The following CLIC6 variants were observed in gnomAD, a reference collection of about 807,000 sequenced individuals.
CLIC6 encodes chloride intracellular channel protein 6.
Under a neutral mutation model 49.2 loss-of-function variants are expected in CLIC6, and 39 were observed. The observed-to-expected ratio is 0.79, with a 90% CI of 0.61 to 1.04. CLIC6 has a LOEUF of 1.04. Ranked by LOEUF, CLIC6 falls within the 50% of genes least tolerant of loss-of-function variation. The pLI, the probability that CLIC6 is intolerant of heterozygous loss-of-function variation, is 0.00. For missense variants in CLIC6, 988 were observed against 993.1 expected (o/e 0.99, Z 0.07); for synonymous variants, 446 against 433.4 (o/e 1.03, Z -0.36).
At chr21:34,691,416 A>AT (rs1401432920) in intron 1 of CLIC6, among the ~76,000 whole-genome samples, 7 of 152,070 alleles carry the variant, frequency 4.6e-5, no homozygotes, top group Admixed American at 3.9e-4. Context: ...ACATAATATG[A>AT]TTTTTATGCA....
At chr21:34,678,660 C>A (rs1004698009) in intron 1 of CLIC6, among the ~76,000 whole-genome samples, 3 of 151,918 alleles carry the variant, frequency 2.0e-5, no homozygotes, top group African/African-American at 7.3e-5. Flanking sequence ...CCTACAAAAA[C>A]CATAAAAATT....
intron 1 of CLIC6, among the ~76,000 whole-genome samples, chr21:34,691,690 T>A (rs1358407644): frequency 1.3e-5 from 2 of 152,210 alleles, no homozygotes; most frequent in African/African-American, 2.4e-5. Flanking sequence ...TGATCTGGTG[T>A]TTGGTCCTAC....
chr21:34,689,700 G>A (rs1191620817), intron 1 of CLIC6, among the ~76,000 whole-genome samples: 1 of 151,954 alleles, frequency 6.6e-6, no homozygotes, highest in Non-Finnish European at 1.5e-5. Flanking sequence ...GTGCAGGCTG[G>A]AATACAAATG....
chr21:34,697,490 G>T (rs760130772), intron 1 of CLIC6, among the ~76,000 whole-genome samples: 2 of 152,010 alleles, frequency 1.3e-5, no homozygotes, highest in Non-Finnish European at 2.9e-5. Context: ...AGCATTCAAA[G>T]TGTTAACCAT....
In CLIC6 at chr21:34,670,381, G is replaced by A; in HGVS notation, c.993G>A (p.Ala331=). 6.9e-7 allele frequency: 1 copy of A among 1,454,310 alleles called. No homozygotes were observed. The highest frequency in any genetic ancestry group is 2.6e-5 in the East Asian group (1 of 38,326). 90.1% of individuals were successfully genotyped at this position (1,454,310 alleles called of 1,614,324 possible). A position where few individuals can be genotyped will look rare whatever the true frequency, so the allele number is the denominator to read the frequency against. The change falls in exon 1 of 6, where the codon GCG becomes GCA. Residue 331 remains alanine (A), a synonymous_variant. Coordinates refer to ENST00000349499, the MANE Select transcript of CLIC6 (RefSeq NM_053277.3). ...RSPGELAWDA[A]EEAEVPGVKG... ...CCGGTGAGCTCGCCTGGGACGCAGC[G>A]GAGGAGGCGGAGGTCCCGGGGGTAA...
chr21:34,703,755 G>T (rs1431860668), intron 1 of CLIC6, among the ~76,000 whole-genome samples: 1 of 152,106 alleles, frequency 6.6e-6, no homozygotes, highest in Non-Finnish European at 1.5e-5. Flanking sequence ...AGACAGGGAG[G>T]TTCACAAGGC....
At chr21:34,707,850 G>C (rs2056026329) in intron 2 of CLIC6, 94 bp from the exon 3 acceptor site, 1 of 1,358,496 alleles carries the variant, frequency 7.4e-7, no homozygotes, top group Admixed American at 2.0e-5. Flanking sequence ...CTCAAGAGTT[G>C]CTTCTCTTAA....
intron 5 of CLIC6, among the ~76,000 whole-genome samples, chr21:34,715,309 T>G (rs2056079937): frequency 6.6e-6 from 1 of 152,186 alleles, no homozygotes; most frequent in Non-Finnish European, 1.5e-5. Context: ...GCAGATGTAA[T>G]TAGTTAAAAT....
chr21:34,680,844 A>C (rs1376156887), intron 1 of CLIC6, among the ~76,000 whole-genome samples: 1 of 152,228 alleles, frequency 6.6e-6, no homozygotes, highest in Non-Finnish European at 1.5e-5. Flanking sequence ...GTCTGTAGGA[A>C]GTTTTGAACT....
chr21:34,699,569 ATC>A (rs1289302280), intron 1 of CLIC6, among the ~76,000 whole-genome samples: 9 of 151,804 alleles, frequency 5.9e-5, no homozygotes, highest in Admixed American at 3.9e-4. Flanking sequence ...CTGACCTATT[ATC>A]TGTTTTTAAA....
chr21:34,683,600 G>A (rs1989821526), intron 1 of CLIC6, among the ~76,000 whole-genome samples: 1 of 152,196 alleles, frequency 6.6e-6, no homozygotes, highest in Admixed American at 6.5e-5. Flanking sequence ...GTTGAGGGAG[G>A]GATGTGGTGG....
chr21:34,689,471 A>C (rs143403827), intron 1 of CLIC6, among the ~76,000 whole-genome samples: 7 of 152,312 alleles, frequency 4.6e-5, no homozygotes, highest in Admixed American at 3.3e-4. Context: ...CGTGCCTTGT[A>C]TCTCACTACC....
At chr21:34,696,852 A>G (rs550663267) in intron 1 of CLIC6, among the ~76,000 whole-genome samples, 1 of 152,144 alleles carries the variant, frequency 6.6e-6, no homozygotes, top group Non-Finnish European at 1.5e-5. Context: ...GTAATTATGT[A>G]TCTCCTTTTT....
rs1320743790 is a variant in CLIC6 at position 34,715,611 on chromosome 21, A to G, written c.1900-710A>G. Among the ~76,000 whole-genome samples, 3 of 152,284 alleles carry G rather than the reference A, an allele frequency of 2.0e-5. No individual in the cohort carries two copies. In the East Asian group the frequency reaches 5.8e-4, roughly 29 times the overall value. On this transcript the variant is annotated intron_variant, in intron 5 of 5. Coordinates refer to ENST00000349499, the MANE Select transcript of CLIC6 (RefSeq NM_053277.3). Reference sequence around the variant, plus strand: ...TACTTTATTATGGCAACCCTAGCAAACTGGTACAGTCCCCAGTGTTCTGCA... The same window carrying G: ...TACTTTATTATGGCAACCCTAGCAAGCTGGTACAGTCCCCAGTGTTCTGCA...
chr21:34,714,202 C>A (rs893502312), intron 5 of CLIC6, among the ~76,000 whole-genome samples: 1 of 152,144 alleles, frequency 6.6e-6, no homozygotes, highest in Non-Finnish European at 1.5e-5. Flanking sequence ...AAACAGAGAA[C>A]CCCTTTAAAT....
chr21:34,712,725 G>A (rs2056064672), intron 5 of CLIC6, among the ~76,000 whole-genome samples: 1 of 152,322 alleles, frequency 6.6e-6, no homozygotes, highest in South Asian at 2.1e-4. Context: ...TTTGCATTGT[G>A]ACTGCTGAGC....
intron 5 of CLIC6, among the ~76,000 whole-genome samples, chr21:34,715,034 T>C (rs2056078517): frequency 6.6e-6 from 1 of 152,254 alleles, no homozygotes; most frequent in African/African-American, 2.4e-5. Flanking sequence ...GAAAATTATA[T>C]GGTCCTTCTT....
rs1370205089 is a variant in CLIC6, at chr21:34,716,416, A to G, written c.1995A>G (p.Thr665=). Residue 665 remains threonine (T), a synonymous_variant, in exon 6 of 6, where the codon ACA becomes ACG. Transcript: ENST00000349499. ...ATGCTTATGCTAGAGATGAGTTCAC[A>G]AATACGTGTCCAGCTGATCAAGAGA... is the stretch of plus-strand genomic sequence containing the variant. The part of the protein sequence containing the change: ...LNNAYARDEF[T]NTCPADQEIE... 6.2e-7 allele frequency: 1 copy of G among 1,614,086 alleles called. No homozygotes were observed. The highest frequency in any genetic ancestry group is 8.5e-7 in the Non-Finnish European group (1 of 1,179,932).
At chr21:34,674,124 AT>A (rs896636782) in intron 1 of CLIC6, among the ~76,000 whole-genome samples, 36 of 149,760 alleles carry the variant, frequency 2.4e-4, no homozygotes, top group Admixed American at 8.7e-4. Flanking sequence ...ATTTCTTCCA[AT>A]TTTTTTTTTG....
Sources: gnomAD v4.1 joint callset for allele counts (sites outside exome capture counted in the v4.1 genomes callset) on GRCh38, gnomAD v4.1.1 for gene constraint, MANE v1.5 for transcripts, NCBI Gene and HGNC (gene_info 2026-07-23, HGNC 2026-07-21) for gene names.